Variants in EDNRB observed in about 807,000 individuals in gnomAD.
EDNRB encodes the protein Hirschsprung disease 2.
EDNRB carries 18 observed loss-of-function variants against 46.4 expected under a neutral mutation model. The observed-to-expected ratio is 0.39, with a 90% confidence interval of 0.27 to 0.57. EDNRB has a LOEUF of 0.57. Among genes scored for constraint, EDNRB ranks in the 20% least tolerant of loss-of-function variants. The probability of loss-of-function intolerance (pLI) is 0.61; values close to 1 mark genes in which losing one functional copy is unlikely to be tolerated. For missense variants in EDNRB, 434 were observed against 537.5 expected (o/e 0.81, Z 1.90); for synonymous variants, 213 against 204.9 (o/e 1.04, Z -0.34).
At chr13:77,921,279 G>C (rs551542408), upstream of EDNRB, among the ~76,000 whole-genome samples, 2 of 152,240 alleles carry the variant, frequency 1.3e-5, no homozygotes, top group South Asian at 4.2e-4. Flanking sequence ...TTATTAACTG[G>C]TCATTGGGCT....
At chr13:77,975,470 C>T (rs1881861045) in exon 1 of EDNRB, 1 of 152,442 alleles carries the variant, frequency 6.6e-6, no homozygotes, top group African/African-American at 2.4e-5. Flanking sequence ...CAAATGCCTA[C>T]CTGGGAGTGC....
intron 1 of EDNRB, among the ~76,000 whole-genome samples, chr13:77,915,559 C>A (rs891650365): frequency 2.6e-5 from 4 of 152,208 alleles, no homozygotes; most frequent in African/African-American, 9.7e-5. Context: ...CAAGTTACTT[C>A]TTCACCTCTC....
intron 1 of EDNRB, among the ~76,000 whole-genome samples, chr13:77,905,882 T>A (rs1382795293): frequency 6.6e-6 from 1 of 151,694 alleles, no homozygotes; most frequent in African/African-American, 2.4e-5. Flanking sequence ...GAAAATGAAG[T>A]TGTAGAGGGA....
At chr13:77,944,229 T>C (rs1880837391) in intron 1 of EDNRB, among the ~76,000 whole-genome samples, 1 of 152,092 alleles carries the variant, frequency 6.6e-6, no homozygotes. Context: ...GCAATAATGC[T>C]CTATGGGGAA....
intron 1 of EDNRB, among the ~76,000 whole-genome samples, chr13:77,972,854 C>G (rs1881775843): frequency 6.6e-6 from 1 of 152,096 alleles, no homozygotes; most frequent in African/African-American, 2.4e-5. Context: ...GGACTATGGC[C>G]CACGACTCTG....
At chr13:77,945,525 G>A (rs1470881767) in intron 1 of EDNRB, among the ~76,000 whole-genome samples, 2 of 152,152 alleles carry the variant, frequency 1.3e-5, no homozygotes, top group African/African-American at 4.8e-5. Context: ...AACAAAATCT[G>A]GAGCGAAAGG....
rs1878622939 is a variant in EDNRB, at chr13:77,896,353, T to C, written c.*1847A>G. On this transcript the variant is annotated 3_prime_UTR_variant, in exon 7 of 7. Transcript: ENST00000646607. The stretch of plus-strand genomic sequence containing the variant: ...AATTGAGAGTCTAAAATGACTTCTA[T>C]GATAACAGGCCTCTGAAAAAGTGAT... The C allele has an allele frequency of 1.5e-6, 2 of 1,379,298 alleles. No homozygotes were observed. The highest frequency in any genetic ancestry group is 1.9e-6 in the Non-Finnish European group (2 of 1,045,004). The allele number at this position is 1,379,298 out of a possible 1,614,324, so 85.4% of individuals were successfully genotyped here. A position where few individuals can be genotyped will look rare whatever the true frequency, so the allele number is the denominator to read the frequency against.
At chr13:77,899,808 T>C (rs1312343485) in intron 6 of EDNRB, 51 bp downstream of exon 6, 1 of 1,374,094 alleles carries the variant, frequency 7.3e-7, no homozygotes, top group African/African-American at 1.4e-5. Context: ...TTTGAAAGCT[T>C]ATATTTGAGC....
intron 1 of EDNRB, among the ~76,000 whole-genome samples, chr13:77,953,409 C>A (rs1031582833): frequency 9.9e-5 from 15 of 151,040 alleles, no homozygotes; most frequent in Non-Finnish European, 2.1e-4. Context: ...TATTTGAAAT[C>A]GAAAAATAAA....
rs575244668 is a variant in EDNRB, at chr13:77,969,105, C to T, written c.-52+6242G>A. Among the ~76,000 whole-genome samples, 19 of 152,230 alleles carry T rather than the reference C, an allele frequency of 1.2e-4. 1 individual carries two copies. In the South Asian group the frequency reaches 3.7e-3, roughly 30 times the overall value. ...TGAGTTTCGTTTAAGCCTTGTGGCA[C>T]CAGAGTTCCTATTAGTTATATAGCA... is the stretch of plus-strand genomic sequence containing the variant. On this transcript the variant is annotated intron_variant, in intron 1 of 7. Coordinates refer to the EDNRB transcript ENST00000646948.
chr13:77,900,795 T>G, intron 4 of EDNRB, 141 bp from the exon 5 acceptor site: 1 of 1,306,088 alleles, frequency 7.7e-7, no homozygotes, highest in Non-Finnish European at 1.1e-6. Context: ...TTATATGGAA[T>G]AGTTAATGTG....
intron 1 of EDNRB, among the ~76,000 whole-genome samples, chr13:77,937,111 C>A (rs150745178): frequency 4.6e-5 from 7 of 152,100 alleles, no homozygotes; most frequent in Admixed American, 3.3e-4. Flanking sequence ...GGGTCTAGGG[C>A]GGTAAAGCGT....
intron 1 of EDNRB, among the ~76,000 whole-genome samples, chr13:77,957,424 A>C (rs759270688): frequency 6.6e-6 from 1 of 152,204 alleles, no homozygotes; most frequent in Non-Finnish European, 1.5e-5. Context: ...AATTTTGACT[A>C]CTTTTATGTT....
At chr13:77,899,591 T>C (rs1439006892) in intron 6 of EDNRB, 1 of 385,984 alleles carries the variant, frequency 2.6e-6, no homozygotes, top group Non-Finnish European at 4.8e-6. Flanking sequence ...CATCAATGCA[T>C]GTAATTTTTA....
chr13:77,904,890 C>T (rs889868450), intron 1 of EDNRB, among the ~76,000 whole-genome samples: 2 of 151,960 alleles, frequency 1.3e-5, no homozygotes, highest in African/African-American at 4.8e-5. Flanking sequence ...TCCATCCTTT[C>T]ACTAGTAGTG....
intron 1 of EDNRB, among the ~76,000 whole-genome samples, chr13:77,952,316 A>G (rs12720140): frequency 0.041 from 6,223 of 152,228 alleles, 422 homozygotes; most frequent in African/African-American, 0.14. Context: ...CTTCATTACT[A>G]TATTTTGCAA....
intron 1 of EDNRB, among the ~76,000 whole-genome samples, chr13:77,926,630 C>G (rs1250564428): frequency 1.3e-5 from 2 of 152,222 alleles, no homozygotes; most frequent in Non-Finnish European, 2.9e-5. Context: ...AAGTTCCAAA[C>G]TTTCCCACAT....
chr13:77,934,689 G>C (rs1054376368), intron 1 of EDNRB, among the ~76,000 whole-genome samples: 4 of 149,300 alleles, frequency 2.7e-5, no homozygotes, highest in Admixed American at 6.7e-5. Context: ...AGGGGGGGGG[G>C]GGCCTGAATA....
At chr13:77,974,595 G>GTC (rs1881829387) in intron 1 of EDNRB, among the ~76,000 whole-genome samples, 2 of 123,066 alleles carry the variant, frequency 1.6e-5, no homozygotes, top group Admixed American at 9.0e-5. Flanking sequence ...TCTCTTCTCT[G>GTC]TCTCTCTCTC....
Sources: gnomAD v4.1 joint callset for allele counts (sites outside exome capture counted in the v4.1 genomes callset) on GRCh38, gnomAD v4.1.1 for gene constraint, MANE v1.5 for transcripts, NCBI Gene and HGNC (gene_info 2026-07-23, HGNC 2026-07-21) for gene names.